FOXP1: variants seen among roughly 807,000 people sequenced by gnomAD.
FOXP1 encodes the protein forkhead box P1.
FOXP1 carries 15 observed loss-of-function variants against 98.2 expected under a neutral mutation model. The observed-to-expected ratio is 0.15, with a 90% CI of 0.10 to 0.24. The LOEUF is 0.24. Among genes scored for constraint, FOXP1 ranks in the 10% least tolerant of loss-of-function variants. The pLI, the probability that FOXP1 is intolerant of heterozygous loss-of-function variation, is 1.00. For missense variants in FOXP1, 633 were observed against 848.5 expected (o/e 0.75, Z 3.15); for synonymous variants, 371 against 314.5 (o/e 1.18, Z -1.90).
intron 5 of FOXP1, among the ~76,000 whole-genome samples, chr3:71,297,398 C>T (rs1040381639): frequency 1.3e-5 from 2 of 149,550 alleles, no homozygotes; most frequent in East Asian, 3.9e-4. Context: ...GGGGTGGGGA[C>T]TGTATTTCCA....
intron 6 of FOXP1, chr3:71,197,824 C>A (rs568784218): frequency 2.8e-4 from 426 of 1,532,182 alleles, no homozygotes; most frequent in Admixed American, 4.6e-4. Context: ...TCCTTCTTCA[C>A]AGGCTTAAGC....
chr3:71,492,890 T>C (rs1156245478), intron 3 of FOXP1, among the ~76,000 whole-genome samples: 2 of 152,136 alleles, frequency 1.3e-5, no homozygotes, highest in Admixed American at 6.6e-5. Flanking sequence ...AAAAAGTCAA[T>C]GAATAACCTA....
intron 6 of FOXP1, among the ~76,000 whole-genome samples, chr3:71,135,532 T>A (rs985491517): frequency 1.3e-5 from 2 of 152,128 alleles, no homozygotes; most frequent in African/African-American, 4.8e-5. Context: ...TCAGCAAAGC[T>A]ATGCTAAACT....
Position 70,989,370 on chromosome 3 carries a change from C to T in FOXP1, c.1063-1293G>A, listed in dbSNP as rs529953381. Among the ~76,000 whole-genome samples the T allele has an allele frequency of 5.3e-5, 8 of 151,884 alleles. No individual in the cohort carries two copies. The East Asian group carries it at 7.7e-4, about 15-fold the overall frequency. On this transcript the variant is annotated intron_variant, in intron 13 of 20. Transcript: ENST00000649528. ...ATTAAGAAAGAAAGAAAAAAACAGC[C>T]GTACAGTGTTAGCATTTATCTTTCA...
At chr3:71,102,646 A>G (rs2057066102) in intron 7 of FOXP1, among the ~76,000 whole-genome samples, 1 of 152,226 alleles carries the variant, frequency 6.6e-6, no homozygotes, top group African/African-American at 2.4e-5. Flanking sequence ...GCATATTTCA[A>G]TTATAAGCAC....
chr3:71,295,873 T>G (rs2073236199), intron 5 of FOXP1, among the ~76,000 whole-genome samples: 1 of 152,222 alleles, frequency 6.6e-6, no homozygotes, highest in Non-Finnish European at 1.5e-5. Flanking sequence ...CCCTCTTTAG[T>G]TTCCATCTTG....
chr3:71,444,750 C>T (rs535138729), intron 3 of FOXP1, among the ~76,000 whole-genome samples: 53 of 152,248 alleles, frequency 3.5e-4, no homozygotes, highest in African/African-American at 1.2e-3. Flanking sequence ...CAGAGGAGTG[C>T]GGCTTCTTCC....
intron 7 of FOXP1, among the ~76,000 whole-genome samples, chr3:71,073,433 G>A (rs2053481403): frequency 6.6e-6 from 1 of 152,128 alleles, no homozygotes; most frequent in Admixed American, 6.5e-5. Flanking sequence ...AGTCTGCAAA[G>A]CCCTGTCAAC....
At chr3:71,415,702 C>CTT (rs55984368) in intron 3 of FOXP1, among the ~76,000 whole-genome samples, 2,611 of 140,886 alleles carry the variant, frequency 0.019, 91 homozygotes, top group African/African-American at 0.064. Flanking sequence ...ATTAGTTGCT[C>CTT]TTTTTTTTTT....
chr3:71,259,579 G>C (rs561988293), intron 5 of FOXP1, among the ~76,000 whole-genome samples: 156 of 152,258 alleles, frequency 1.0e-3, no homozygotes, highest in Middle Eastern at 3.4e-3. Context: ...TGGGCGTCTG[G>C]TAAAGGGAGA....
intron 11 of FOXP1, among the ~76,000 whole-genome samples, chr3:71,032,955 G>C (rs1332664563): frequency 6.6e-6 from 1 of 152,134 alleles, no homozygotes; most frequent in African/African-American, 2.4e-5. Context: ...TCTAATTTAA[G>C]TGGTGAAGGT....
chr3:71,425,620 A>C (rs1322494493), intron 3 of FOXP1, among the ~76,000 whole-genome samples: 1 of 152,164 alleles, frequency 6.6e-6, no homozygotes, highest in Admixed American at 6.5e-5. Context: ...GAATGAAAAA[A>C]ACAAGGAGAA....
At chr3:71,416,620 T>C (rs2083247576) in intron 3 of FOXP1, among the ~76,000 whole-genome samples, 1 of 147,118 alleles carries the variant, frequency 6.8e-6, no homozygotes, top group Non-Finnish European at 1.5e-5. Flanking sequence ...TATGGTCAGA[T>C]AGGTCAGGGA....
intron 11 of FOXP1, among the ~76,000 whole-genome samples, chr3:71,022,788 A>G (rs886518778): frequency 1.3e-5 from 2 of 152,034 alleles, no homozygotes; most frequent in African/African-American, 4.8e-5. Flanking sequence ...CAGTGGTAAA[A>G]CCTCCACCAA....
At chr3:71,489,843 G>A (rs888565941) in intron 3 of FOXP1, among the ~76,000 whole-genome samples, 2 of 152,194 alleles carry the variant, frequency 1.3e-5, no homozygotes, top group Non-Finnish European at 2.9e-5. Context: ...TGATCTATCT[G>A]TGCAAACCTT....
At chr3:71,030,335 T>C (rs542510001) in intron 11 of FOXP1, among the ~76,000 whole-genome samples, 15 of 152,352 alleles carry the variant, frequency 9.8e-5, no homozygotes, top group African/African-American at 3.4e-4. Flanking sequence ...TTGCTTCTGA[T>C]GTGCCCTTAG....
chr3:70,971,074 T>G, intron 18 of FOXP1: 1 of 436,870 alleles, frequency 2.3e-6, no homozygotes, highest in Admixed American at 3.5e-5. Flanking sequence ...TCCAGAGACC[T>G]CTCTGCAGAT....
chr3:71,183,522 A>C (rs1048171030), intron 6 of FOXP1, among the ~76,000 whole-genome samples: 18 of 152,076 alleles, frequency 1.2e-4, no homozygotes, highest in Admixed American at 7.2e-4. Context: ...AACAAAAAAA[A>C]CCCAAAAGCT....
chr3:71,183,063 G>GC (rs1435271556), intron 6 of FOXP1, among the ~76,000 whole-genome samples: 1 of 152,098 alleles, frequency 6.6e-6, no homozygotes, highest in Non-Finnish European at 1.5e-5. Context: ...GATTTAGGGT[G>GC]CATTTAATTT....
Sources: allele counts gnomAD v4.1 joint callset (sites outside exome capture counted in the v4.1 genomes callset), GRCh38; gene constraint gnomAD v4.1.1; transcripts MANE v1.5; gene names NCBI Gene and HGNC (gene_info 2026-07-23, HGNC 2026-07-21).